Variants in MFAP2 observed in about 807,000 individuals in gnomAD.
MFAP2 encodes microfibril associated protein 2.
In MFAP2, 23 loss-of-function variants were observed where a neutral mutation model predicts 30.6. The observed-to-expected ratio is 0.75, with a 90% CI of 0.54 to 1.07. The LOEUF (loss-of-function observed/expected upper bound fraction) is 1.07. MFAP2 is among the 50% of genes least tolerant of loss of function. The probability of loss-of-function intolerance (pLI) is 0.00; values close to 1 mark genes in which losing one functional copy is unlikely to be tolerated. For synonymous variants in MFAP2, 73 were observed against 85.7 expected, an observed-to-expected ratio of 0.85 and a Z score of 0.82; for missense variants, 198 against 223.8, an observed-to-expected ratio of 0.88 and a Z score of 0.74.
upstream of MFAP2, among the ~76,000 whole-genome samples, chr1:16,981,019 C>G (rs899001861): frequency 1.3e-5 from 2 of 152,220 alleles, no homozygotes; most frequent in African/African-American, 2.4e-5. Flanking sequence ...AGGACACTCT[C>G]CTGCCTTGGT....
At chr1:16,978,588 T>C (rs1248962899) in intron 1 of MFAP2, among the ~76,000 whole-genome samples, 1 of 152,170 alleles carries the variant, frequency 6.6e-6, no homozygotes, top group East Asian at 1.9e-4. Context: ...GGGCGGACCC[T>C]GCCCTGCTCA....
At chr1:16,978,856 C>T (rs1259790801) in intron 1 of MFAP2, 1 of 152,418 alleles carries the variant, frequency 6.6e-6, no homozygotes, top group Non-Finnish European at 1.5e-5. Flanking sequence ...AAACCACATA[C>T]ACATGGGCCT....
chr1:16,976,682 G>C lies in MFAP2; in HGVS notation c.241+26C>G. ...GGAGGGGTGAGGCAGGAGCTGAGAC[G>C]GGTGGGAGCAGGGTCTGGGGCCTAC... is the stretch of plus-strand genomic sequence containing the variant. On this transcript the variant is annotated intron_variant, in intron 5 of 8. Transcript: ENST00000375535. This position sits in a 1 kb window ranked among gnomAD's most constrained non-coding sequence, Gnocchi z 5.5. The C allele has an allele frequency of 6.2e-7, 1 of 1,612,454 alleles. No homozygotes were observed. Among genetic ancestry groups the C allele is most frequent in the Non-Finnish European group, 8.5e-7 (1 of 1,178,822 alleles).
Position 16,975,771 on chromosome 1 carries a change from G to A in MFAP2, c.287-41C>T, listed in dbSNP as rs769873145. 43 of 1,586,362 alleles carry A rather than the reference G, an allele frequency of 2.7e-5. No individual in the cohort carries two copies. The highest frequency in any genetic ancestry group is 3.7e-5 in the Non-Finnish European group (43 of 1,159,342). ...GTCAGACTAGGAGCCCAGAGTGGGG[G>A]GCGGCCCCCAGCCTCACCCACCTGA... On this transcript the variant is annotated intron_variant, in intron 6 of 8. Transcript: ENST00000375535. This position sits in a 1 kb window ranked among gnomAD's most constrained non-coding sequence, Gnocchi z 5.0.
chr1:16,978,239 G>T lies in MFAP2; in HGVS notation c.35C>A (p.Pro12His). Residue 12 changes from proline (P) to histidine (H), a missense_variant and splice_region_variant, in exon 2 of 9, where the codon CCT (proline) becomes CAT (histidine). Pro to His is a moderately conservative substitution (Grantham distance 77). Coordinates refer to ENST00000375535, the MANE Select transcript of MFAP2 (RefSeq NM_002403.4). ...RAAYLFLLFL[P>H]AGLLAQGQYD... ...CCCCTGCCCCAGGAGCCACTTACCA[G>T]GCAGGAATAGCAGGAAGAGGTAGGC... The T allele has an allele frequency of 6.4e-7, 1 of 1,574,280 alleles. No individual in the cohort carries two copies.
rs762308508 is a variant in MFAP2, at chr1:16,976,779, G to A, written c.170C>T (p.Pro57Leu). The part of the protein sequence containing the change: ...YYDYQEVTPR[P>L]SEEQFQFQSQ... ...CTGGAACTGGAACTGTTCCTCGGAG[G>A]GCCGAGGAGTCACCTCTGCAGCCAG... Residue 57 changes from proline (P) to leucine (L), a missense_variant, in exon 5 of 9, where the codon CCC (proline) becomes CTC (leucine). By Grantham distance (98) the Pro-to-Leu change is moderately conservative (BLOSUM62 -3). Coordinates refer to ENST00000375535, the MANE Select transcript of MFAP2 (RefSeq NM_002403.4). This position sits in a 1 kb window ranked among gnomAD's most constrained non-coding sequence, Gnocchi z 5.5. The A allele has an allele frequency of 2.5e-6, 4 of 1,613,952 alleles. No homozygotes were observed. The highest frequency in any genetic ancestry group is 1.1e-5 in the South Asian group (1 of 91,066).
chr1:16,976,686 G>T lies in MFAP2; in HGVS notation c.241+22C>A. ...GGGTGAGGCAGGAGCTGAGACGGGTGGGAGCAGGGTCTGGGGCCTACCTGG... is the reference window on the plus strand; with the variant it reads ...GGGTGAGGCAGGAGCTGAGACGGGTTGGAGCAGGGTCTGGGGCCTACCTGG... On this transcript the variant is annotated intron_variant, in intron 5 of 8. Coordinates refer to ENST00000375535, the MANE Select transcript of MFAP2 (RefSeq NM_002403.4). This position sits in a 1 kb window ranked among gnomAD's most constrained non-coding sequence, Gnocchi z 5.5. The T allele has an allele frequency of 6.2e-7, 1 of 1,612,854 alleles. No individual in the cohort carries two copies. The highest frequency in any genetic ancestry group is 1.1e-5 in the South Asian group (1 of 91,032).
At position 16,978,241 on chromosome 1, in the gene MFAP2, C is replaced by A. The variant is rs2076609396; in HGVS notation, c.33G>T (p.Leu11=). Residue 11 remains leucine, a synonymous_variant, in exon 2 of 9, where the codon CTG becomes CTT. Transcript: ENST00000375535. ...CCTGCCCCAGGAGCCACTTACCAGG[C>A]AGGAATAGCAGGAAGAGGTAGGCAG... MRAAYLFLLF[L]PAGLLAQGQY... 3.2e-6 allele frequency: 5 copies of A among 1,574,144 alleles called. No individual in the cohort carries two copies. The South Asian group carries it at 5.8e-5, about 18-fold the overall frequency.
At position 16,976,645 on chromosome 1, in the gene MFAP2, T is replaced by A. The variant is rs1227233044; in HGVS notation, c.241+63A>T. The A allele has an allele frequency of 6.2e-7, 1 of 1,608,444 alleles. No individual in the cohort carries two copies. The highest frequency in any genetic ancestry group is 1.3e-5 in the African/African-American group (1 of 74,464). On this transcript the variant is annotated intron_variant, in intron 5 of 8. Transcript: ENST00000375535. The surrounding 1 kb of genome is among the most constrained non-coding windows in gnomAD (Gnocchi z 5.5). ...CCCTGGCAGACCCCCACTCCCAGGGTTGACAGGGTGGGGAGGGGTGAGGCA... is the reference window on the plus strand; with the variant it reads ...CCCTGGCAGACCCCCACTCCCAGGGATGACAGGGTGGGGAGGGGTGAGGCA...
Position 16,975,519 on chromosome 1 carries a change from G to A in MFAP2, c.374+124C>T. 8.0e-7 allele frequency: 1 copy of A among 1,245,194 alleles called. No homozygotes were observed. The allele number at this position is 1,245,194 out of a possible 1,614,324, so 77.1% of individuals were successfully genotyped here. On this transcript the variant is annotated intron_variant, in intron 7 of 8. Coordinates refer to ENST00000375535, the MANE Select transcript of MFAP2 (RefSeq NM_002403.4). The surrounding 1 kb of genome is among the most constrained non-coding windows in gnomAD (Gnocchi z 5.0). ...CTGGCCCAGGCTCAACCACAGAACT[G>A]AGCTCAACTTAAGGACTCACTATCT...
At chr1:16,980,519 CG>C (rs2076629911) in intron 1 of MFAP2, 67 bp downstream of exon 1, 2 of 152,240 alleles carry the variant, frequency 1.3e-5, no homozygotes, top group South Asian at 4.1e-4. Context: ...CCCTCGCCCC[CG>C]CGCCGGGGGA....
At chr1:16,977,226 C>T (rs752873807) in intron 2 of MFAP2, 28 bp from the exon 3 acceptor site, 1 of 1,608,514 alleles carries the variant, frequency 6.2e-7, no homozygotes, top group Non-Finnish European at 8.5e-7. Context: ...ATGTAGGGTA[C>T]CCCATCGGGA....
intron 1 of MFAP2, among the ~76,000 whole-genome samples, chr1:16,980,015 C>T (rs2076624066): frequency 6.6e-6 from 1 of 152,084 alleles, no homozygotes; most frequent in Admixed American, 6.5e-5. Context: ...CTCCCCCACC[C>T]CCGACTCCCC....
At position 16,976,874 on chromosome 1, in the gene MFAP2, C is replaced by G; in HGVS notation, c.154+23G>C. 1 of 1,614,108 alleles carries G rather than the reference C, an allele frequency of 6.2e-7. No homozygotes were observed. Among genetic ancestry groups the G allele is most frequent in the Non-Finnish European group, 8.5e-7 (1 of 1,179,974 alleles). On this transcript the variant is annotated intron_variant, in intron 4 of 8. Transcript: ENST00000375535. This position sits in a 1 kb window ranked among gnomAD's most constrained non-coding sequence, Gnocchi z 5.5. ...TCCCCACCCCAGCTGCCGGCCCGTC[C>G]TATCCTACCCCTAGCCCGTTACCTT...
rs2076575565 is a variant in MFAP2 at position 16,974,878 on chromosome 1, C to T, written c.*42G>A. On this transcript the variant is annotated 3_prime_UTR_variant, in exon 9 of 9. Transcript: ENST00000375535. ...CCAGGTCAGGCAGGGCCCGAGGGCC[C>T]CAGATCCCAGGAGGGCCAGGACTCA... 2 of 601,458 alleles carry T rather than the reference C, an allele frequency of 3.3e-6. No homozygotes were observed. Among genetic ancestry groups the T allele is most frequent in the East Asian group, 2.8e-5 (1 of 35,682 alleles). The allele number at this position is 601,458 out of a possible 1,614,324, so 37.3% of individuals were successfully genotyped here. A position where few individuals can be genotyped will look rare whatever the true frequency, so the allele number is the denominator to read the frequency against.
At chr1:16,980,163 A>G (rs2076625519) in intron 1 of MFAP2, among the ~76,000 whole-genome samples, 2 of 151,972 alleles carry the variant, frequency 1.3e-5, no homozygotes, top group African/African-American at 4.8e-5. Context: ...AGCGCCGCAC[A>G]GCTGGGAACA....
rs2076585560 is a variant in MFAP2 at position 16,975,765 on chromosome 1, G to A, written c.287-35C>T. On this transcript the variant is annotated intron_variant, in intron 6 of 8. Transcript: ENST00000375535. The surrounding 1 kb of genome is among the most constrained non-coding windows in gnomAD (Gnocchi z 5.0). Reference sequence around the variant, plus strand: ...GGTGGGGTCAGACTAGGAGCCCAGAGTGGGGGGCGGCCCCCAGCCTCACCC... The same window carrying A: ...GGTGGGGTCAGACTAGGAGCCCAGAATGGGGGGCGGCCCCCAGCCTCACCC... 2.5e-6 allele frequency: 4 copies of A among 1,593,130 alleles called. No homozygotes were observed. The highest frequency in any genetic ancestry group is 3.4e-6 in the Non-Finnish European group (4 of 1,164,572).
Position 16,976,971 on chromosome 1 carries a change from C to G in MFAP2, c.128-48G>C. The G allele has an allele frequency of 6.2e-7, 1 of 1,613,956 alleles. No homozygotes were observed. Among genetic ancestry groups the G allele is most frequent in the Non-Finnish European group, 8.5e-7 (1 of 1,179,876 alleles). On this transcript the variant is annotated intron_variant, in intron 3 of 8. Transcript: ENST00000375535. The surrounding 1 kb of genome is among the most constrained non-coding windows in gnomAD (Gnocchi z 5.5). ...AATTGGTGGGAGTAAGGCTAATCCC[C>G]CAGCCCCTGGGGCAAACAAGTTCCC...
Position 16,975,068 on chromosome 1 carries a change from A to G in MFAP2, c.449-45T>C. The G allele has an allele frequency of 8.6e-7, 1 of 1,161,270 alleles. No homozygotes were observed. The highest frequency in any genetic ancestry group is 1.3e-6 in the Non-Finnish European group (1 of 792,192). The allele number at this position is 1,161,270 out of a possible 1,614,324, so 71.9% of individuals were successfully genotyped here. On this transcript the variant is annotated intron_variant, in intron 8 of 8. Transcript: ENST00000375535. The surrounding 1 kb of genome is among the most constrained non-coding windows in gnomAD (Gnocchi z 5.0). ...GGCAGGGTCAGGGTGGAGCTGGGTG[A>G]TGGGAACCGCTGCCCCTCCCCCAAC...
Sources: gnomAD v4.1 joint callset for allele counts (sites outside exome capture counted in the v4.1 genomes callset) on GRCh38, gnomAD v4.1.1 for gene constraint, Gnocchi (gnomAD v3.1) non-coding constraint, MANE v1.5 for transcripts, NCBI Gene and HGNC (gene_info 2026-07-23, HGNC 2026-07-21) for gene names.